The following ST7 variants were observed in gnomAD, a reference collection of about 807,000 sequenced individuals.
ST7 encodes the protein suppressor of tumorigenicity 7 protein.
ST7 carries 28 observed loss-of-function variants against 78.7 expected under a neutral mutation model. The observed-to-expected ratio is 0.36, with a 90% CI of 0.26 to 0.49. ST7 has a LOEUF of 0.49. Ranked by LOEUF, ST7 falls within the 20% of genes least tolerant of loss-of-function variation. The pLI, the probability that ST7 is intolerant of heterozygous loss-of-function variation, is 0.99. For missense variants in ST7, 418 were observed against 696.0 expected (o/e 0.60, Z 4.49); for synonymous variants, 247 against 249.6 (o/e 0.99, Z 0.10).
chr7:117,155,562 A>C (rs1287634105), intron 9 of ST7, among the ~76,000 whole-genome samples: 1 of 152,128 alleles, frequency 6.6e-6, no homozygotes, highest in Non-Finnish European at 1.5e-5. Flanking sequence ...GATTTGAGAT[A>C]TATTTGGACA....
At chr7:117,085,738 G>A (rs1312301443) in intron 1 of ST7, among the ~76,000 whole-genome samples, 3 of 152,130 alleles carry the variant, frequency 2.0e-5, no homozygotes, top group Admixed American at 1.3e-4. Context: ...TTTTCCTCCC[G>A]ATTTTTATGT....
chr7:117,083,671 T>C (rs948068764), intron 1 of ST7, among the ~76,000 whole-genome samples: 1 of 152,182 alleles, frequency 6.6e-6, no homozygotes, highest in Admixed American at 6.5e-5. Context: ...TAGCACACAA[T>C]ATAGAGTTAT....
At chr7:117,094,325 A>G (rs552147347) in intron 1 of ST7, among the ~76,000 whole-genome samples, 1 of 152,278 alleles carries the variant, frequency 6.6e-6, no homozygotes, top group South Asian at 2.1e-4. Flanking sequence ...ACTGTTCCCT[A>G]GTCTCTGCAG....
At chr7:117,093,891 C>G (rs908840425) in intron 1 of ST7, among the ~76,000 whole-genome samples, 4 of 152,132 alleles carry the variant, frequency 2.6e-5, no homozygotes, top group Admixed American at 6.5e-5. Flanking sequence ...TACACGAATA[C>G]TTTTTGTAAA....
In ST7 at chr7:117,009,464, A is replaced by G. The variant is rs139282706; in HGVS notation, c.151+55773A>G. ...GCTTGGGTACCTCCCTGTTTGTTGT[A>G]CAAACCTATAGTTTGATTCTGATCA... On this transcript the variant is annotated intron_variant, in intron 1 of 15. Coordinates refer to ENST00000323984, the MANE Select transcript of ST7 (RefSeq NM_001369598.1). Among the ~76,000 whole-genome samples the G allele has an allele frequency of 8.9e-3, 1,351 of 152,148 alleles. 5 individuals are homozygous for G. Among genetic ancestry groups the G allele is most frequent in the Non-Finnish European group, 0.013 (913 of 68,002 alleles).
intron 10 of ST7, among the ~76,000 whole-genome samples, chr7:117,185,656 T>G (rs1809188569): frequency 6.6e-6 from 1 of 152,238 alleles, no homozygotes; most frequent in African/African-American, 2.4e-5. Context: ...CCGGGTGCAG[T>G]GGCTCGCGCC....
chr7:117,097,166 A>G (rs1801109426), intron 1 of ST7, among the ~76,000 whole-genome samples: 2 of 152,148 alleles, frequency 1.3e-5, no homozygotes, highest in South Asian at 4.1e-4. Flanking sequence ...GGCAGTCAAC[A>G]GCAGGGCTAC....
At chr7:117,112,251 T>C (rs908642666) in intron 2 of ST7, 1 of 152,146 alleles carries the variant, frequency 6.6e-6, no homozygotes, top group Admixed American at 6.5e-5. Context: ...GAAGTGTGTT[T>C]TTGGGAAAGT....
At chr7:116,972,715 G>T in intron 1 of ST7, 1 of 919,370 alleles carries the variant, frequency 1.1e-6, no homozygotes, top group Non-Finnish European at 1.8e-6. Flanking sequence ...GCGCTCCTGA[G>T]CACAGTCCAG....
intron 1 of ST7, among the ~76,000 whole-genome samples, chr7:117,029,409 A>T (rs546872697): frequency 6.6e-6 from 1 of 151,992 alleles, no homozygotes; most frequent in African/African-American, 2.4e-5. Context: ...GTGTTTGTTC[A>T]AATCCTTTGC....
chr7:116,959,023 A>G (rs1792683157), intron 1 of ST7: 2 of 368,916 alleles, frequency 5.4e-6, no homozygotes, highest in Admixed American at 3.6e-5. Context: ...ATTTCTCTGT[A>G]TCATGTGATG....
chr7:117,097,776 C>T (rs1801166117), intron 1 of ST7, among the ~76,000 whole-genome samples: 1 of 144,630 alleles, frequency 6.9e-6, no homozygotes, highest in Non-Finnish European at 1.5e-5. Flanking sequence ...TTTAAAAAAT[C>T]TCCTTCCTTC....
At chr7:117,078,533 A>G (rs983795327) in intron 1 of ST7, among the ~76,000 whole-genome samples, 2 of 152,240 alleles carry the variant, frequency 1.3e-5, no homozygotes, top group Admixed American at 1.3e-4. Context: ...ACCATGCAGT[A>G]ATCATGCAGT....
chr7:117,123,200 A>G (rs936836989), intron 3 of ST7, among the ~76,000 whole-genome samples: 3 of 152,206 alleles, frequency 2.0e-5, no homozygotes, highest in Admixed American at 6.6e-5. Context: ...AAAAGTAAGA[A>G]TAAAGGGGAA....
intron 11 of ST7, among the ~76,000 whole-genome samples, 197 bp downstream of exon 11, chr7:117,189,590 A>G (rs1473676139): frequency 6.6e-6 from 1 of 152,182 alleles, no homozygotes; most frequent in Non-Finnish European, 1.5e-5. Context: ...AGGGTGTGTA[A>G]AGGTATCCTA....
At chr7:117,228,204 T>C (rs1793572789) in intron 15 of ST7, among the ~76,000 whole-genome samples, 1 of 152,218 alleles carries the variant, frequency 6.6e-6, no homozygotes, top group Non-Finnish European at 1.5e-5. Context: ...TCAAAAGTAT[T>C]CCTGCTCCTT....
chr7:116,964,019 T>C (rs2116192438), intron 1 of ST7, among the ~76,000 whole-genome samples: 1 of 152,260 alleles, frequency 6.6e-6, no homozygotes, highest in South Asian at 2.1e-4. Context: ...ATCTCTTAGG[T>C]CAGTGAGGAA....
At chr7:117,031,854 ATATC>A (rs1412774399) in intron 1 of ST7, among the ~76,000 whole-genome samples, 3 of 18,654 alleles carry the variant, frequency 1.6e-4, no homozygotes, top group African/African-American at 6.1e-4. Context: ...ATCTATATCT[ATATC>A]TATCTATCTA....
intron 1 of ST7, among the ~76,000 whole-genome samples, chr7:117,020,967 A>G (rs1316492046): frequency 6.6e-6 from 1 of 152,206 alleles, no homozygotes; most frequent in Non-Finnish European, 1.5e-5. Context: ...TAAAATAGAT[A>G]CTGGGAGGAT....
Sources: gnomAD v4.1 joint callset for allele counts (sites outside exome capture counted in the v4.1 genomes callset) on GRCh38, gnomAD v4.1.1 for gene constraint, MANE v1.5 for transcripts, NCBI Gene and HGNC (gene_info 2026-07-23, HGNC 2026-07-21) for gene names.